Variants in GSE1 observed in about 807,000 individuals in gnomAD.
GSE1 encodes Gse1 coiled-coil protein.
Under a neutral mutation model 112.6 loss-of-function variants are expected in GSE1, and 32 were observed. The ratio of observed to expected loss-of-function variants is 0.28; its 90% CI spans 0.21 to 0.38. The LOEUF is 0.38. Among genes scored for constraint, GSE1 ranks in the 10% least tolerant of loss-of-function variants. The pLI is 1.00. For missense variants in GSE1, 2,348 were observed against 1,699.2 expected (o/e 1.38, Z -6.71); for synonymous variants, 1,115 against 735.6 (o/e 1.52, Z -8.35).
intron 1 of GSE1, among the ~76,000 whole-genome samples, chr16:85,599,367 C>G (rs926958498): frequency 5.3e-5 from 8 of 152,230 alleles, no homozygotes; most frequent in Non-Finnish European, 1.0e-4. Flanking sequence ...GGCAGACACC[C>G]CCTTAGAGCT....
intron 1 of GSE1, among the ~76,000 whole-genome samples, chr16:85,570,032 A>G (rs2045917882): frequency 1.3e-5 from 2 of 152,320 alleles, no homozygotes; most frequent in African/African-American, 2.4e-5. Context: ...GCCAAGATAC[A>G]GTTGCGGCCC....
intron 1 of GSE1, among the ~76,000 whole-genome samples, chr16:85,263,089 T>G (rs1351423820): frequency 6.6e-6 from 1 of 152,130 alleles, no homozygotes; most frequent in East Asian, 1.9e-4. Context: ...TGACAGCTAA[T>G]TAGCGACGCG....
intron 2 of GSE1, among the ~76,000 whole-genome samples, chr16:85,488,930 C>T (rs1443866411): frequency 6.6e-6 from 1 of 152,062 alleles, no homozygotes; most frequent in Non-Finnish European, 1.5e-5. Flanking sequence ...GGATGAGGGC[C>T]ATCAACAGCC....
chr16:85,177,378 C>T (rs1050725655), intron 1 of GSE1, among the ~76,000 whole-genome samples: 1 of 152,224 alleles, frequency 6.6e-6, no homozygotes, highest in Non-Finnish European at 1.5e-5. Context: ...CTCAGGTCCC[C>T]CTTCTAGTGG....
chr16:85,268,406 G>A (rs890374195), intron 1 of GSE1, among the ~76,000 whole-genome samples: 2 of 152,074 alleles, frequency 1.3e-5, no homozygotes, highest in Non-Finnish European at 2.9e-5. Context: ...CCTCTGCATC[G>A]TGCACTCAGG....
chr16:85,482,870 T>A (rs2050722952), intron 2 of GSE1, among the ~76,000 whole-genome samples: 1 of 151,230 alleles, frequency 6.6e-6, no homozygotes, highest in Non-Finnish European at 1.5e-5. Context: ...CTCAGCTCCT[T>A]GGGAGGCTGA....
At chr16:85,443,246 A>G (rs1305045945) in intron 2 of GSE1, among the ~76,000 whole-genome samples, 1 of 152,192 alleles carries the variant, frequency 6.6e-6, no homozygotes, top group African/African-American at 2.4e-5. Context: ...TCCTCAGCAC[A>G]CCATGGCCCG....
At chr16:85,202,802 G>C (rs2143571594) in intron 1 of GSE1, among the ~76,000 whole-genome samples, 1 of 152,362 alleles carries the variant, frequency 6.6e-6, no homozygotes, top group South Asian at 2.1e-4. Context: ...TCCAGGCCCA[G>C]CGTGGAGCCA....
chr16:85,394,244 G>T (rs1458283713), intron 2 of GSE1, among the ~76,000 whole-genome samples: 4 of 152,190 alleles, frequency 2.6e-5, no homozygotes, highest in Admixed American at 2.0e-4. Context: ...CAAGGCCCGA[G>T]AAATTAAATG....
At chr16:85,243,355 C>T (rs1446601463) in intron 1 of GSE1, among the ~76,000 whole-genome samples, 2 of 152,206 alleles carry the variant, frequency 1.3e-5, no homozygotes, top group African/African-American at 2.4e-5. Context: ...TAAAGGGTGC[C>T]TGTGAGGGGA....
At position 85,384,293 on chromosome 16, in the gene GSE1, G is replaced by T. The variant is rs531516020; in HGVS notation, c.2464+26650G>T. Among the ~76,000 whole-genome samples, 7 of 152,302 alleles carry T rather than the reference G, an allele frequency of 4.6e-5. No homozygotes were observed. The South Asian group carries it at 1.4e-3, about 32-fold the overall frequency. ...CTGTGTGGGTGCGGCCGGGTGGCGA[G>T]CGGCCCATCCTGGGAGGGCTGGAGA... On this transcript the variant is annotated intron_variant, in intron 2 of 2. Transcript: ENST00000637419.
intron 1 of GSE1, among the ~76,000 whole-genome samples, chr16:85,219,735 T>C (rs1463199899): frequency 6.6e-6 from 1 of 152,230 alleles, no homozygotes; most frequent in African/African-American, 2.4e-5. Context: ...AGAATTGTAT[T>C]TGGAGCCCCT....
intron 1 of GSE1, among the ~76,000 whole-genome samples, chr16:85,336,705 G>A (rs1490476786): frequency 1.3e-5 from 2 of 151,750 alleles, no homozygotes; most frequent in African/African-American, 2.4e-5. Flanking sequence ...CAGTACAAGC[G>A]ATTCTCCTGC....
intron 1 of GSE1, among the ~76,000 whole-genome samples, chr16:85,357,161 C>T (rs35636950): frequency 0.19 from 28,758 of 152,222 alleles, 3,574 homozygotes; most frequent in Non-Finnish European, 0.29. Flanking sequence ...CCAGCTGCCG[C>T]GAGGGCTCCA....
intron 2 of GSE1, among the ~76,000 whole-genome samples, chr16:85,527,744 G>A (rs554677042): frequency 2.6e-5 from 4 of 152,354 alleles, no homozygotes; most frequent in African/African-American, 9.6e-5. Context: ...GAGAGCGCAC[G>A]GGCTTGCCCA....
intron 1 of GSE1, among the ~76,000 whole-genome samples, chr16:85,614,461 A>C (rs918316983): frequency 1.3e-5 from 2 of 149,940 alleles, no homozygotes; most frequent in African/African-American, 2.4e-5. Flanking sequence ...CCAGGGGGGC[A>C]CTTAGAAATG....
At chr16:85,604,677 C>G (rs536286046) in intron 1 of GSE1, among the ~76,000 whole-genome samples, 1 of 112,084 alleles carries the variant, frequency 8.9e-6, no homozygotes, top group African/African-American at 3.6e-5. Context: ...ACCAGGAGGT[C>G]GAGACTGCAG....
At chr16:85,645,589 C>G (rs1015214351) in intron 2 of GSE1, among the ~76,000 whole-genome samples, 1 of 152,196 alleles carries the variant, frequency 6.6e-6, no homozygotes, top group Admixed American at 6.5e-5. Context: ...CTCCTGGTCA[C>G]GCCACTAAGG....
chr16:85,336,934 G>T (rs1447328297), intron 1 of GSE1, among the ~76,000 whole-genome samples: 1 of 152,176 alleles, frequency 6.6e-6, no homozygotes. Flanking sequence ...AAATGCACAC[G>T]CTGACATGCA....
Sources: allele counts gnomAD v4.1 joint callset (sites outside exome capture counted in the v4.1 genomes callset), GRCh38; gene constraint gnomAD v4.1.1; transcripts MANE v1.5; gene names NCBI Gene and HGNC (gene_info 2026-07-23, HGNC 2026-07-21).